The following DLGAP1 variants were observed in gnomAD, a reference collection of about 807,000 sequenced individuals.
The protein encoded by DLGAP1 is DLG associated protein 1, also known as disks large-associated protein 1.
DLGAP1 carries 11 observed loss-of-function variants against 90.8 expected under a neutral mutation model. That is an observed-to-expected ratio of 0.12 (90% confidence interval 0.08 to 0.20). The LOEUF is 0.20. DLGAP1 is among the 10% of genes least tolerant of loss of function. The probability of loss-of-function intolerance (pLI) is 1.00; values close to 1 mark genes in which losing one functional copy is unlikely to be tolerated. For synonymous variants in DLGAP1, 558 were observed against 540.7 expected, an observed-to-expected ratio of 1.03 and a Z score of -0.44; for missense variants, 1,050 against 1,333.8, an observed-to-expected ratio of 0.79 and a Z score of 3.31.
At chr18:3,661,106 T>C (rs142828934) in intron 7 of DLGAP1, among the ~76,000 whole-genome samples, 1 of 152,356 alleles carries the variant, frequency 6.6e-6, no homozygotes, top group Non-Finnish European at 1.5e-5. Context: ...CTATGTTTCT[T>C]AGGCTGGTCT....
intron 2 of DLGAP1, among the ~76,000 whole-genome samples, chr18:4,122,752 G>T (rs1430900706): frequency 6.6e-6 from 1 of 152,166 alleles, no homozygotes; most frequent in Non-Finnish European, 1.5e-5. Context: ...ACATCCTAAG[G>T]TTGTAAAGCT....
At chr18:4,175,757 G>A (rs1028244895) in intron 1 of DLGAP1, among the ~76,000 whole-genome samples, 6 of 152,124 alleles carry the variant, frequency 3.9e-5, no homozygotes, top group African/African-American at 1.4e-4. Context: ...TGAGGCCTCT[G>A]TTCTGTTCCA....
chr18:3,989,647 C>T (rs903954906), intron 3 of DLGAP1, among the ~76,000 whole-genome samples: 1 of 152,180 alleles, frequency 6.6e-6, no homozygotes, highest in African/African-American at 2.4e-5. Flanking sequence ...AAGGACCAAA[C>T]TAAAGAGCTT....
At chr18:3,798,939 T>A (rs1004769332) in intron 5 of DLGAP1, among the ~76,000 whole-genome samples, 1 of 152,040 alleles carries the variant, frequency 6.6e-6, no homozygotes, top group African/African-American at 2.4e-5. Context: ...AGTGGTGCAA[T>A]CTCGGCTCAC....
At position 4,299,098 on chromosome 18, in the gene DLGAP1, A is replaced by C. The variant is rs113441405; in HGVS notation, c.-266-147811T>G. Among the ~76,000 whole-genome samples, 546 of 151,522 alleles carry C rather than the reference A, an allele frequency of 3.6e-3. 6 individuals are homozygous for C. The highest frequency in any genetic ancestry group is 0.012 in the African/African-American group (505 of 41,286). On this transcript the variant is annotated intron_variant, in intron 1 of 12. Coordinates refer to ENST00000315677, the MANE Select transcript of DLGAP1 (RefSeq NM_004746.4). The stretch of plus-strand genomic sequence containing the variant: ...TCTGTCTCAAGACAAAAAAAAAAAA[A>C]AAAAAAAAAAAATAGAAGCAAATTC...
At chr18:4,306,414 A>G (rs2143369193) in intron 1 of DLGAP1, among the ~76,000 whole-genome samples, 1 of 143,692 alleles carries the variant, frequency 7.0e-6, no homozygotes, top group Admixed American at 7.2e-5. Flanking sequence ...GAATAAAAAA[A>G]GAGAAAGTAA....
chr18:4,306,571 G>A (rs527240851), intron 1 of DLGAP1, among the ~76,000 whole-genome samples: 2 of 151,824 alleles, frequency 1.3e-5, no homozygotes, highest in African/African-American at 4.8e-5. Context: ...CCTGGTTATG[G>A]TTTAAACTAT....
At chr18:4,008,403 G>A (rs1214485350) in intron 2 of DLGAP1, among the ~76,000 whole-genome samples, 2 of 152,120 alleles carry the variant, frequency 1.3e-5, no homozygotes, top group Admixed American at 1.3e-4. Flanking sequence ...TTTTCGCAAG[G>A]TATTTGTAGG....
At chr18:3,590,823 G>A (rs545109759) in intron 7 of DLGAP1, among the ~76,000 whole-genome samples, 1 of 151,986 alleles carries the variant, frequency 6.6e-6, no homozygotes, top group East Asian at 1.9e-4. Context: ...GTAGTGAGCC[G>A]AGACGGTGCC....
At chr18:4,016,778 G>A (rs1388650684) in intron 2 of DLGAP1, among the ~76,000 whole-genome samples, 1 of 152,178 alleles carries the variant, frequency 6.6e-6, no homozygotes, top group East Asian at 1.9e-4. Flanking sequence ...GGAGAAGGCA[G>A]GGCTCCTGAG....
rs2075652463 is a variant in DLGAP1, at chr18:4,084,323, T to C, written c.-159+66857A>G. 2.0e-5 allele frequency among the ~76,000 whole-genome samples: 3 copies of C among 152,204 alleles called. No individual in the cohort carries two copies. The highest frequency in any genetic ancestry group is 4.4e-5 in the Non-Finnish European group (3 of 68,030). On this transcript the variant is annotated intron_variant, in intron 2 of 12. Coordinates refer to ENST00000315677, the MANE Select transcript of DLGAP1 (RefSeq NM_004746.4). The surrounding 1 kb of genome is among the most constrained non-coding windows in gnomAD (Gnocchi z 4.0). ...ATTTTCCTTATAGGAAAAATGATTG[T>C]TTACCATAACTCATTTAACAATCTT...
chr18:3,536,223 CT>C (rs71159088), intron 9 of DLGAP1, among the ~76,000 whole-genome samples: 5,423 of 137,338 alleles, frequency 0.039, 116 homozygotes, highest in Admixed American at 0.064. Context: ...TACTTTCTTT[CT>C]TTTTTTTTTT....
chr18:4,381,748 T>C (rs2082124077), intron 1 of DLGAP1, among the ~76,000 whole-genome samples: 1 of 152,190 alleles, frequency 6.6e-6, no homozygotes, highest in Admixed American at 6.5e-5. Flanking sequence ...TTCTTCATAC[T>C]GATAGGCTCT....
chr18:4,092,807 C>A (rs954299271), intron 2 of DLGAP1, among the ~76,000 whole-genome samples: 2 of 152,148 alleles, frequency 1.3e-5, no homozygotes, highest in South Asian at 2.1e-4. Context: ...CAGTAAAGGT[C>A]TGTGGAAAAG....
At chr18:3,640,975 C>A (rs1454916010) in intron 7 of DLGAP1, among the ~76,000 whole-genome samples, 1 of 152,122 alleles carries the variant, frequency 6.6e-6, no homozygotes, top group Non-Finnish European at 1.5e-5. Context: ...AGTCATATGG[C>A]TACTAAGCAG....
intron 7 of DLGAP1, among the ~76,000 whole-genome samples, chr18:3,650,934 T>C (rs1363050961): frequency 6.7e-6 from 1 of 150,254 alleles, no homozygotes; most frequent in East Asian, 2.0e-4. Flanking sequence ...GGTGTGGTCA[T>C]GCGTGCCTGG....
chr18:3,542,067 T>A (rs2052723237), intron 9 of DLGAP1, among the ~76,000 whole-genome samples: 1 of 152,232 alleles, frequency 6.6e-6, no homozygotes, highest in Non-Finnish European at 1.5e-5. Context: ...ACAGGCATAT[T>A]TAATGCCAGC....
chr18:3,851,648 C>T (rs1328220595), intron 4 of DLGAP1, among the ~76,000 whole-genome samples: 1 of 152,044 alleles, frequency 6.6e-6, no homozygotes, highest in Non-Finnish European at 1.5e-5. Flanking sequence ...GCACAATATC[C>T]TGAACCTAAA....
intron 1 of DLGAP1, among the ~76,000 whole-genome samples, chr18:4,184,002 C>T (rs1568438990): frequency 6.6e-6 from 1 of 152,136 alleles, no homozygotes; most frequent in Non-Finnish European, 1.5e-5. Flanking sequence ...TAATATTCTA[C>T]AAGCAGTCTA....
Sources: allele counts gnomAD v4.1 joint callset (sites outside exome capture counted in the v4.1 genomes callset), GRCh38; gene constraint gnomAD v4.1.1; non-coding constraint Gnocchi (gnomAD v3.1); transcripts MANE v1.5; gene names NCBI Gene and HGNC (gene_info 2026-07-23, HGNC 2026-07-21).